DNHD1: variants seen among roughly 807,000 people sequenced by gnomAD.
The protein encoded by DNHD1 is dynein heavy chain domain 1.
In DNHD1, 383 loss-of-function variants were observed where a neutral mutation model predicts 458.1. The ratio of observed to expected loss-of-function variants is 0.84; its 90% CI spans 0.77 to 0.91. The LOEUF (loss-of-function observed/expected upper bound fraction) is 0.91, where lower values mean the gene tolerates loss of function less well. DNHD1 is among the 40% of genes least tolerant of loss of function. The pLI, the probability that DNHD1 is intolerant of heterozygous loss-of-function variation, is 0.00. For synonymous variants in DNHD1, 2,203 were observed against 2,376.9 expected (o/e 0.93, Z 2.13); for missense variants, 5,336 against 5,866.1 (o/e 0.91, Z 2.95).
Position 6,545,279 on chromosome 11 carries a change from G to A in DNHD1, c.4340G>A (p.Trp1447Ter), listed in dbSNP as rs1352510322. 6.4e-7 allele frequency: 1 copy of A among 1,551,744 alleles called. No homozygotes were observed. Among genetic ancestry groups the A allele is most frequent in the African/African-American group, 1.4e-5 (1 of 73,190 alleles). ...CCTCTGCATCCAGATCTCCCTAAGT[G>A]GCTGGCCTCTCTGGAGAAGTGTCTG... ...PLPLHPDLPK[W>*]LASLEKCLRL... The change falls in exon 21 of 43, where the codon TGG becomes TAG. Residue 1447 changes from tryptophan (W) to a stop codon, truncating the protein, a stop_gained. Transcript: ENST00000254579. LOFTEE classifies it high-confidence loss of function. The surrounding 1 kb of genome is among the most constrained non-coding windows in gnomAD (Gnocchi z 4.9).
Position 6,530,167 on chromosome 11 carries a change from A to G in DNHD1, c.2347+1046A>G, listed in dbSNP as rs568282761. On this transcript the variant is annotated intron_variant, in intron 12 of 42. Coordinates refer to ENST00000254579, the MANE Select transcript of DNHD1 (RefSeq NM_144666.3). The stretch of plus-strand genomic sequence containing the variant: ...TTCATGTTAGCAAGGGACACCCTAA[A>G]AGGTGGTCTTTCCCAAAGTTCTATG... Among the ~76,000 whole-genome samples the G allele has an allele frequency of 1.3e-3, 199 of 152,270 alleles. 1 individual carries two copies. Among genetic ancestry groups the G allele is most frequent in the South Asian group, 3.7e-3 (18 of 4,824 alleles).
chr11:6,544,206 C>T lies in DNHD1; in HGVS notation c.3714C>T (p.Asn1238=). The T allele has an allele frequency of 6.4e-7, 1 of 1,551,568 alleles. No individual in the cohort carries two copies. The highest frequency in any genetic ancestry group is 8.7e-7 in the Non-Finnish European group (1 of 1,146,946). ...ILAIEKSGDL[N]KIALEWVAIM... ...CCATCGAAAAGTCAGGAGATTTAAA[C>T]AAAATAGCTTTGGAGTGGGTGGCCA... Residue 1238 remains asparagine (N), a synonymous_variant, in exon 19 of 43, where the codon AAC becomes AAT. Transcript: ENST00000254579.
Position 6,544,250 on chromosome 11 carries a change from A to C in DNHD1, c.3754+4A>C. On this transcript the variant is annotated splice_donor_region_variant and intron_variant, in intron 19 of 42. Coordinates refer to ENST00000254579, the MANE Select transcript of DNHD1 (RefSeq NM_144666.3). ...GTGGCCATCATGCATGGCCTGGGTA[A>C]GTGCAGGCCTCTAGCCAGGCTGATG... is the stretch of plus-strand genomic sequence containing the variant. The C allele has an allele frequency of 6.4e-7, 1 of 1,551,528 alleles. No individual in the cohort carries two copies. The highest frequency in any genetic ancestry group is 8.7e-7 in the Non-Finnish European group (1 of 1,146,944).
In DNHD1 at chr11:6,556,827, A is replaced by G. The variant is rs1441825840; in HGVS notation, c.7532A>G (p.Glu2511Gly). 1.3e-6 allele frequency: 2 copies of G among 1,551,654 alleles called. No individual in the cohort carries two copies. Among genetic ancestry groups the G allele is most frequent in the South Asian group, 1.2e-5 (1 of 84,044 alleles). ...ACTGTCACAGTGCCAGGATACTGTG[A>G]GCGCCCACTGTGTCCACGCCTCTTT... ...LATVTVPGYC[E>G]RPLCPRLFRL... The change falls in exon 25 of 43, where the codon GAG becomes GGG. Residue 2511 changes from glutamate to glycine, a missense_variant. This residue lies in a region of DNHD1 where 3,932 missense variants were observed against 4,365.6 expected (regional missense o/e 0.90). Coordinates refer to ENST00000254579, the MANE Select transcript of DNHD1 (RefSeq NM_144666.3).
intron 10 of DNHD1, among the ~76,000 whole-genome samples, chr11:6,526,348 T>C (rs1286094061): frequency 6.6e-6 from 1 of 152,182 alleles, no homozygotes; most frequent in Non-Finnish European, 1.5e-5. Flanking sequence ...TTCTATCATT[T>C]TTCTATTGTC....
In DNHD1 at chr11:6,502,888, C is replaced by T. The variant is rs1183013880; in HGVS notation, c.882C>T (p.His294=). 6.2e-7 allele frequency: 1 copy of T among 1,613,650 alleles called. No homozygotes were observed. The highest frequency in any genetic ancestry group is 8.5e-7 in the Non-Finnish European group (1 of 1,179,880). The part of the protein sequence containing the change: ...LKMERYLKKI[H]FLYLNVAPSR... ...TGGAGAGATACCTGAAGAAGATCCA[C>T]TTCCTCTATCTCAATGTGGCTCCCA... The change falls in exon 4 of 43, where the codon CAC becomes CAT. Residue 294 remains histidine (H), a synonymous_variant. Transcript: ENST00000254579.
chr11:6,515,396 A>C (rs1400206298), intron 7 of DNHD1, among the ~76,000 whole-genome samples: 2 of 152,198 alleles, frequency 1.3e-5, no homozygotes, highest in Non-Finnish European at 2.9e-5. Flanking sequence ...TTCAGGATCC[A>C]AACCAGAATT....
intron 7 of DNHD1, among the ~76,000 whole-genome samples, chr11:6,514,706 C>T (rs1564998085): frequency 6.6e-6 from 1 of 152,020 alleles, no homozygotes; most frequent in Non-Finnish European, 1.5e-5. Context: ...ATCATTTATG[C>T]TCTTTTTTTA....
chr11:6,528,130 G>A (rs1235353706), intron 10 of DNHD1, among the ~76,000 whole-genome samples: 1 of 152,202 alleles, frequency 6.6e-6, no homozygotes, highest in African/African-American at 2.4e-5. Context: ...AGCAGAGGCA[G>A]TGTGTTCTGT....
intron 10 of DNHD1, chr11:6,520,498 T>C (rs1852584361): frequency 7.0e-7 from 1 of 1,422,138 alleles, no homozygotes; most frequent in East Asian, 2.5e-5. Flanking sequence ...TGGTTATGTG[T>C]ATGTGCGTGC....
chr11:6,535,643 T>G (rs1852931333), intron 14 of DNHD1, among the ~76,000 whole-genome samples: 1 of 152,168 alleles, frequency 6.6e-6, no homozygotes, highest in African/African-American at 2.4e-5. Flanking sequence ...TCTAAGCTAT[T>G]GAAGTAAAGG....
intron 4 of DNHD1, chr11:6,503,808 C>T (rs919250069): frequency 3.3e-5 from 5 of 152,198 alleles, no homozygotes; most frequent in African/African-American, 9.7e-5. Context: ...AAGCCCTATT[C>T]AAGTCCATCT....
intron 28 of DNHD1, 84 bp downstream of exon 28, chr11:6,559,367 C>G: frequency 8.6e-7 from 1 of 1,162,458 alleles, no homozygotes; most frequent in Non-Finnish European, 1.2e-6. Context: ...CAGAATGAAC[C>G]TTAATTCTTG....
rs1030130409 is a variant in DNHD1 at position 6,501,472 on chromosome 11, A to G, written c.747-1281A>G. Among the ~76,000 whole-genome samples the G allele has an allele frequency of 9.2e-5, 14 of 152,280 alleles. 1 individual carries two copies. In the East Asian group the frequency reaches 2.5e-3, roughly 27 times the overall value. On this transcript the variant is annotated intron_variant, in intron 3 of 42. Transcript: ENST00000254579. ...AGGGGTCCAGAGCACTGATGGAGGA[A>G]TTAATCTTACAGAGAAGAAAGGATA...
intron 24 of DNHD1, among the ~76,000 whole-genome samples, chr11:6,553,492 G>A (rs980361069): frequency 2.6e-5 from 4 of 152,024 alleles, no homozygotes; most frequent in Non-Finnish European, 4.4e-5. Context: ...CCACATCGAC[G>A]CAATTAAGAA....
At position 6,556,693 on chromosome 11, in the gene DNHD1, G is replaced by A. The variant is rs778436038; in HGVS notation, c.7398G>A (p.Lys2466=). Residue 2466 remains lysine, a synonymous_variant, in exon 25 of 43, where the codon AAG becomes AAA. Coordinates refer to ENST00000254579, the MANE Select transcript of DNHD1 (RefSeq NM_144666.3). ...DLHLATSDPE[K]SCQPVLETLR... is the part of the protein sequence containing the mutation. ...CCTCATGTCCCATAGACCCAGAGAA[G>A]AGCTGCCAGCCAGTGTTGGAGACTC... 10 of 1,542,432 alleles carry A rather than the reference G, an allele frequency of 6.5e-6. No homozygotes were observed. The South Asian group carries it at 1.2e-4, about 18-fold the overall frequency.
intron 24 of DNHD1, among the ~76,000 whole-genome samples, chr11:6,552,810 TG>T (rs919928782): frequency 1.3e-5 from 2 of 152,062 alleles, no homozygotes; most frequent in African/African-American, 4.8e-5. Flanking sequence ...AAAATTTGGT[TG>T]GGGACACAGA....
intron 26 of DNHD1, 83 bp from the exon 27 acceptor site, chr11:6,558,819 C>T: frequency 6.6e-7 from 1 of 1,514,502 alleles, no homozygotes; most frequent in Non-Finnish European, 9.0e-7. Context: ...TCCTACCCTT[C>T]TTCCTGAGCT....
At position 6,544,883 on chromosome 11, in the gene DNHD1, G is replaced by GT. The variant is rs911205123; in HGVS notation, c.3945dup (p.Ala1316CysfsTer48). ...ATGGTTCTGTCACTTGTAGTGCCCA[G>GT]TGCCGAGAGGAGCCCTTACTTCCAA... On this transcript the variant is annotated frameshift_variant, in exon 21 of 43. Coordinates refer to ENST00000254579, the MANE Select transcript of DNHD1 (RefSeq NM_144666.3). LOFTEE classifies it high-confidence loss of function. The GT allele has an allele frequency of 1.3e-6, 2 of 1,551,526 alleles. No homozygotes were observed. Among genetic ancestry groups the GT allele is most frequent in the African/African-American group, 2.7e-5 (2 of 73,024 alleles).
Sources: gnomAD v4.1 joint callset for allele counts (sites outside exome capture counted in the v4.1 genomes callset) on GRCh38, gnomAD v4.1.1 for gene constraint, gnomAD v4.1.1 regional missense constraint, Gnocchi (gnomAD v3.1) non-coding constraint, MANE v1.5 for transcripts, NCBI Gene and HGNC (gene_info 2026-07-23, HGNC 2026-07-21) for gene names.